KCNJ6: variants seen among roughly 807,000 people sequenced by gnomAD.
The protein encoded by KCNJ6 is potassium inwardly rectifying channel subfamily J member 6.
A neutral mutation model predicts 34.2 loss-of-function variants in KCNJ6; 9 were observed. The ratio of observed to expected loss-of-function variants is 0.26; its 90% CI spans 0.16 to 0.46. The LOEUF (loss-of-function observed/expected upper bound fraction) is 0.46, where lower values mean the gene tolerates loss of function less well. Among genes scored for constraint, KCNJ6 ranks in the 20% least tolerant of loss-of-function variants. The pLI is 1.00. For missense variants in KCNJ6, 236 were observed against 531.3 expected, an observed-to-expected ratio of 0.44 and a Z score of 5.46; for synonymous variants, 196 against 207.1, an observed-to-expected ratio of 0.95 and a Z score of 0.46.
At chr21:37,691,706 G>A (rs979672198) in intron 3 of KCNJ6, among the ~76,000 whole-genome samples, 2 of 152,150 alleles carry the variant, frequency 1.3e-5, no homozygotes, top group African/African-American at 4.8e-5. Flanking sequence ...ATATGACAGT[G>A]GGATATAGTG....
chr21:37,640,635 A>G (rs1411151908), intron 3 of KCNJ6, among the ~76,000 whole-genome samples: 1 of 152,254 alleles, frequency 6.6e-6, no homozygotes, highest in African/African-American at 2.4e-5. Flanking sequence ...AGATCTGGTG[A>G]TGCCATGTCT....
chr21:37,666,963 A>C (rs1026450857), intron 3 of KCNJ6, among the ~76,000 whole-genome samples: 35 of 150,880 alleles, frequency 2.3e-4, no homozygotes, highest in African/African-American at 8.3e-4. Context: ...CATACTCGTT[A>C]AGAGTCATCA....
chr21:37,685,648 T>C (rs867757989), intron 3 of KCNJ6, among the ~76,000 whole-genome samples: 9 of 101,952 alleles, frequency 8.8e-5, no homozygotes, highest in Non-Finnish European at 1.5e-4. Flanking sequence ...GCCACTGCAC[T>C]CCAGCCTGGG....
chr21:37,762,849 G>A (rs572006824), intron 2 of KCNJ6, among the ~76,000 whole-genome samples: 4 of 152,196 alleles, frequency 2.6e-5, no homozygotes, highest in Admixed American at 2.0e-4. Flanking sequence ...CTGGAAGTAG[G>A]GCCTGGCATG....
At position 37,619,982 on chromosome 21, in the gene KCNJ6, G is replaced by T. The variant is rs777270537; in HGVS notation, c.*5177C>A. The T allele has an allele frequency of 6.6e-6, 1 of 152,120 alleles. No homozygotes were observed. The highest frequency in any genetic ancestry group is 1.5e-5 in the Non-Finnish European group (1 of 68,020). The allele number at this position is 152,120 out of a possible 1,614,324, so 9.4% of individuals were successfully genotyped here. A position where few individuals can be genotyped will look rare whatever the true frequency, so the allele number is the denominator to read the frequency against. The stretch of plus-strand genomic sequence containing the variant: ...GGATTCTTCCTTTGAGACCCTAACT[G>T]AATGACTGGGCTCTCTAAGTCTTGT... On this transcript the variant is annotated 3_prime_UTR_variant, in exon 4 of 4. Transcript: ENST00000609713.
intron 3 of KCNJ6, among the ~76,000 whole-genome samples, chr21:37,646,571 A>G (rs1346197920): frequency 6.6e-6 from 1 of 152,252 alleles, no homozygotes; most frequent in East Asian, 1.9e-4. Context: ...TTCCAGTTCC[A>G]GCAGCCGGTG....
At chr21:37,745,726 T>C (rs556070377) in intron 2 of KCNJ6, among the ~76,000 whole-genome samples, 1 of 152,300 alleles carries the variant, frequency 6.6e-6, no homozygotes, top group African/African-American at 2.4e-5. Flanking sequence ...ACTGAACACC[T>C]GCTATGTGCC....
At chr21:37,733,694 T>C (rs907096976) in intron 2 of KCNJ6, among the ~76,000 whole-genome samples, 8 of 152,258 alleles carry the variant, frequency 5.3e-5, no homozygotes, top group African/African-American at 1.7e-4. Flanking sequence ...AAATTGCATG[T>C]CCTTTTTCTA....
chr21:37,692,152 T>C (rs1178630992), intron 3 of KCNJ6, among the ~76,000 whole-genome samples: 1 of 152,150 alleles, frequency 6.6e-6, no homozygotes, highest in Non-Finnish European at 1.5e-5. Flanking sequence ...CCATGGCACA[T>C]GTATACCTAT....
chr21:37,843,965 G>A (rs1295278282), intron 1 of KCNJ6, among the ~76,000 whole-genome samples: 6 of 152,072 alleles, frequency 3.9e-5, no homozygotes, highest in African/African-American at 1.4e-4. Context: ...TAATTTCCAT[G>A]AATGGCTGGC....
Position 37,693,697 on chromosome 21 carries a change from C to T in KCNJ6, c.946+20514G>A, listed in dbSNP as rs79842703. 1.3e-4 allele frequency among the ~76,000 whole-genome samples: 20 copies of T among 152,316 alleles called. No individual in the cohort carries two copies. The East Asian group carries it at 3.9e-3, about 29-fold the overall frequency. Reference sequence around the variant, plus strand: ...CACTATTGGATGAGCTAGAACAGAGCTCCCCAGGCCCACAGACAAATGGTC... The same window carrying T: ...CACTATTGGATGAGCTAGAACAGAGTTCCCCAGGCCCACAGACAAATGGTC... On this transcript the variant is annotated intron_variant, in intron 3 of 3. Transcript: ENST00000609713.
rs556365291 is a variant in KCNJ6, at chr21:37,609,581, T to G, written c.*15578A>C. ...AAGACAAATACAATGAATTATCTTA[T>G]GATTAATAATGAAAAGTGGCCACTA... On this transcript the variant is annotated 3_prime_UTR_variant, in exon 4 of 4. Transcript: ENST00000609713. 1.7e-3 allele frequency: 257 copies of G among 152,334 alleles called. 1 individual carries two copies. The highest frequency in any genetic ancestry group is 6.0e-3 in the African/African-American group (249 of 41,590). The allele number at this position is 152,334 out of a possible 1,614,324, so 9.4% of individuals were successfully genotyped here. A position where few individuals can be genotyped will look rare whatever the true frequency, so the allele number is the denominator to read the frequency against.
chr21:37,824,467 G>A (rs1366591338), intron 2 of KCNJ6, among the ~76,000 whole-genome samples: 2 of 151,774 alleles, frequency 1.3e-5, no homozygotes, highest in African/African-American at 2.4e-5. Flanking sequence ...AGGTGTAGGG[G>A]GTGGGGGGCA....
chr21:37,811,396 G>C (rs369898619), intron 2 of KCNJ6, among the ~76,000 whole-genome samples: 1 of 152,206 alleles, frequency 6.6e-6, no homozygotes, highest in East Asian at 1.9e-4. Flanking sequence ...AGGTATGGGA[G>C]GATGTCCAGG....
chr21:37,818,686 A>G (rs373869199), intron 2 of KCNJ6, among the ~76,000 whole-genome samples: 2 of 152,302 alleles, frequency 1.3e-5, no homozygotes, highest in African/African-American at 4.8e-5. Context: ...TCTTGTTACA[A>G]TGATACTTTT....
chr21:37,688,145 T>A (rs1258615996), intron 3 of KCNJ6, among the ~76,000 whole-genome samples: 2 of 152,156 alleles, frequency 1.3e-5, no homozygotes, highest in African/African-American at 2.4e-5. Flanking sequence ...TTTTCTCTTA[T>A]AAGGATAATT....
chr21:37,708,197 T>C (rs2054731379), intron 3 of KCNJ6, among the ~76,000 whole-genome samples: 1 of 152,244 alleles, frequency 6.6e-6, no homozygotes, highest in Non-Finnish European at 1.5e-5. Context: ...CCTTGTCTTC[T>C]AAAGTATGGG....
chr21:37,899,432 T>C (rs1401966122), intron 1 of KCNJ6, among the ~76,000 whole-genome samples: 2 of 152,200 alleles, frequency 1.3e-5, no homozygotes, highest in African/African-American at 4.8e-5. Flanking sequence ...TCCCCCTCAC[T>C]CTGCTTCTTT....
At chr21:37,840,116 T>C (rs1163850346) in intron 2 of KCNJ6, among the ~76,000 whole-genome samples, 4 of 152,224 alleles carry the variant, frequency 2.6e-5, no homozygotes, top group South Asian at 2.1e-4. Flanking sequence ...CTCTTAAAAA[T>C]GCTTTGTGTA....
Sources: gnomAD v4.1 joint callset for allele counts (sites outside exome capture counted in the v4.1 genomes callset) on GRCh38, gnomAD v4.1.1 for gene constraint, MANE v1.5 for transcripts, NCBI Gene and HGNC (gene_info 2026-07-23, HGNC 2026-07-21) for gene names.